Variants in DLGAP2 observed in about 807,000 individuals in gnomAD.
The protein encoded by DLGAP2 is disks large-associated protein 2.
Under a neutral mutation model 100.3 loss-of-function variants are expected in DLGAP2, and 26 were observed. That is an observed-to-expected ratio of 0.26 (90% CI 0.19 to 0.36). The LOEUF (loss-of-function observed/expected upper bound fraction) is 0.36. Among genes scored for constraint, DLGAP2 ranks in the 10% least tolerant of loss-of-function variants. The probability of loss-of-function intolerance (pLI) is 1.00; values close to 1 mark genes in which losing one functional copy is unlikely to be tolerated. For missense variants in DLGAP2, 1,858 were observed against 1,453.2 expected, an observed-to-expected ratio of 1.28 and a Z score of -4.53; for synonymous variants, 886 against 630.1, an observed-to-expected ratio of 1.41 and a Z score of -6.08.
At position 1,678,287 on chromosome 8, in the gene DLGAP2, G is replaced by A. The variant is rs1389426234; in HGVS notation, c.2362G>A (p.Gly788Ser). ...QADLELEGFPGHITTEDKGLQ... is the reference protein window; with the variant it reads ...QADLELEGFPSHITTEDKGLQ... ...TGACCTGGAGCTGGAGGGGTTCCCA[G>A]GCCACATCACCACGGAGGACAAAGG... The change falls in exon 12 of 15, where the codon GGC becomes AGC. Residue 788 changes from glycine to serine, a missense_variant. Transcript: ENST00000637795. 5.6e-6 allele frequency: 9 copies of A among 1,613,672 alleles called. No individual in the cohort carries two copies. In the South Asian group the frequency reaches 9.9e-5, roughly 18 times the overall value.
intron 2 of DLGAP2, chr8:1,032,658 TA>T (rs1802008782): frequency 6.6e-6 from 1 of 152,208 alleles, no homozygotes; most frequent in Non-Finnish European, 1.5e-5. Context: ...AGGAAATATT[TA>T]TGAATATTTG....
chr8:1,324,059 G>A (rs780041651), intron 3 of DLGAP2, among the ~76,000 whole-genome samples: 4 of 152,116 alleles, frequency 2.6e-5, no homozygotes, highest in African/African-American at 7.2e-5. Flanking sequence ...ATATCCAACC[G>A]GAAAGGCTGA....
At chr8:1,344,255 T>C (rs560376228) in intron 3 of DLGAP2, among the ~76,000 whole-genome samples, 2 of 127,170 alleles carry the variant, frequency 1.6e-5, no homozygotes, top group South Asian at 5.3e-4. Flanking sequence ...CTTCGCCCAG[T>C]CTCCCCTCGA....
chr8:926,232 C>T (rs1008229649), intron 2 of DLGAP2, among the ~76,000 whole-genome samples: 1 of 152,210 alleles, frequency 6.6e-6, no homozygotes, highest in African/African-American at 2.4e-5. Context: ...TCTCATGCTC[C>T]TGACTGCTGA....
intron 3 of DLGAP2, among the ~76,000 whole-genome samples, chr8:1,451,506 C>G (rs1798158566): frequency 9.1e-6 from 1 of 109,384 alleles, no homozygotes; most frequent in Non-Finnish European, 1.9e-5. Flanking sequence ...TACCTCAGCA[C>G]CACCCCTGGT....
At chr8:1,209,580 A>T (rs1049824789) in intron 2 of DLGAP2, among the ~76,000 whole-genome samples, 2 of 152,212 alleles carry the variant, frequency 1.3e-5, no homozygotes, top group African/African-American at 4.8e-5. Context: ...TTGAAGCCCA[A>T]ACTCCCAATG....
At chr8:902,918 G>A (rs1480474649) in intron 1 of DLGAP2, among the ~76,000 whole-genome samples, 2 of 79,534 alleles carry the variant, frequency 2.5e-5, no homozygotes. Flanking sequence ...GCGGGTGGGC[G>A]GGGGCGGTGG....
intron 2 of DLGAP2, among the ~76,000 whole-genome samples, chr8:1,205,427 C>T (rs553271636): frequency 7.9e-5 from 12 of 151,686 alleles, no homozygotes; most frequent in African/African-American, 2.7e-4. Flanking sequence ...CCGGCTCTTC[C>T]TGAAAAGGCT....
intron 3 of DLGAP2, among the ~76,000 whole-genome samples, chr8:1,291,290 A>AG (rs1309347723): frequency 1.3e-5 from 2 of 152,180 alleles, no homozygotes; most frequent in African/African-American, 4.8e-5. Flanking sequence ...CTAACATGTA[A>AG]GGATTCTCAT....
intron 2 of DLGAP2, among the ~76,000 whole-genome samples, chr8:1,081,440 C>T (rs1302728177): frequency 1.3e-5 from 2 of 152,194 alleles, no homozygotes; most frequent in East Asian, 3.9e-4. Context: ...CAACCTTCAC[C>T]TCCCAGGTTC....
At chr8:1,536,909 T>C (rs1448522870) in intron 4 of DLGAP2, among the ~76,000 whole-genome samples, 1 of 152,130 alleles carries the variant, frequency 6.6e-6, no homozygotes, top group Admixed American at 6.5e-5. Context: ...GTCGCTAATA[T>C]GTCATCTGCT....
intron 1 of DLGAP2, among the ~76,000 whole-genome samples, chr8:905,182 G>GTA (rs1241975674): frequency 2.0e-5 from 3 of 152,182 alleles, no homozygotes; most frequent in Non-Finnish European, 2.9e-5. Flanking sequence ...CTACCTGGCG[G>GTA]GTTCAAGGAA....
intron 4 of DLGAP2, among the ~76,000 whole-genome samples, chr8:1,513,610 T>A (rs535006870): frequency 2.7e-4 from 41 of 152,300 alleles, no homozygotes; most frequent in Non-Finnish European, 4.6e-4. Flanking sequence ...AACCTAAAAA[T>A]TGAGGTGAGA....
chr8:1,037,325 A>G (rs1802157940), intron 2 of DLGAP2, among the ~76,000 whole-genome samples: 2 of 151,934 alleles, frequency 1.3e-5, no homozygotes, highest in South Asian at 4.2e-4. Flanking sequence ...GACACCTTTT[A>G]TCTCAAGCTC....
chr8:1,412,367 T>C (rs1796754997), intron 3 of DLGAP2, among the ~76,000 whole-genome samples: 1 of 152,214 alleles, frequency 6.6e-6, no homozygotes, highest in Non-Finnish European at 1.5e-5. Context: ...TCCATCTCTC[T>C]TACAGATGTG....
chr8:1,407,524 G>A lies in DLGAP2; in HGVS notation c.107-93842G>A, dbSNP rs190361194. Among the ~76,000 whole-genome samples, 331 of 142,386 alleles carry A rather than the reference G, an allele frequency of 2.3e-3. 2 individuals carry two copies. Among genetic ancestry groups the A allele is most frequent in the Admixed American group, 0.022 (313 of 14,060 alleles). 93.4% of individuals were successfully genotyped at this position (142,386 alleles called of 152,430 possible). A position where few individuals can be genotyped will look rare whatever the true frequency, so the allele number is the denominator to read the frequency against. On this transcript the variant is annotated intron_variant, in intron 3 of 14. Transcript: ENST00000637795. ...GAGCGCCACCTCCTCATCGTCCAGA[G>A]TCGTGTATTGAGTGCTTACTGAGCG... is the stretch of plus-strand genomic sequence containing the variant.
chr8:945,013 C>CT (rs1403541479), intron 2 of DLGAP2, among the ~76,000 whole-genome samples: 1 of 152,168 alleles, frequency 6.6e-6, no homozygotes, highest in African/African-American at 2.4e-5. Flanking sequence ...TTAACACAAT[C>CT]TATGTGTTAG....
At chr8:852,357 G>A (rs562936248) in intron 1 of DLGAP2, among the ~76,000 whole-genome samples, 1 of 152,270 alleles carries the variant, frequency 6.6e-6, no homozygotes, top group African/African-American at 2.4e-5. Flanking sequence ...TTTGAAATCT[G>A]AGATTGGCTT....
At chr8:1,524,936 T>C (rs1338334829) in intron 4 of DLGAP2, among the ~76,000 whole-genome samples, 1 of 152,154 alleles carries the variant, frequency 6.6e-6, no homozygotes, top group Non-Finnish European at 1.5e-5. Context: ...GGTTATTTGT[T>C]GGTATTTTTC....
Sources: allele counts gnomAD v4.1 joint callset (sites outside exome capture counted in the v4.1 genomes callset), GRCh38; gene constraint gnomAD v4.1.1; transcripts MANE v1.5; gene names NCBI Gene and HGNC (gene_info 2026-07-23, HGNC 2026-07-21).